IL20RB: variants seen among roughly 807,000 people sequenced by gnomAD.
IL20RB encodes interleukin 20 receptor subunit beta.
A neutral mutation model predicts 33.3 loss-of-function variants in IL20RB; 21 were observed. That is an observed-to-expected ratio of 0.63 (90% CI 0.45 to 0.91). The LOEUF (loss-of-function observed/expected upper bound fraction) is 0.91. Ranked by LOEUF, IL20RB falls within the 40% of genes least tolerant of loss-of-function variation. The pLI, the probability that IL20RB is intolerant of heterozygous loss-of-function variation, is 0.00. For missense variants in IL20RB, 345 were observed against 384.8 expected (o/e 0.90, Z 0.86); for synonymous variants, 147 against 146.8 (o/e 1.00, Z -0.01).
In IL20RB at chr3:136,991,927, G is replaced by A. The variant is rs776951896; in HGVS notation, c.532-11G>A. 2.2e-5 allele frequency: 36 copies of A among 1,612,488 alleles called. No individual in the cohort carries two copies. The highest frequency in any genetic ancestry group is 1.8e-4 in the Admixed American group (11 of 59,944). ...ACTTGGCCAATAACTGTGTTTTCTGGTCTGTCAAAGGAACATGTCAAAATG... is the reference window on the plus strand; with the variant it reads ...ACTTGGCCAATAACTGTGTTTTCTGATCTGTCAAAGGAACATGTCAAAATG... On this transcript the variant is annotated splice_polypyrimidine_tract_variant and intron_variant, in intron 4 of 6. Coordinates refer to ENST00000329582, the MANE Select transcript of IL20RB (RefSeq NM_144717.4).
chr3:136,988,564 G>A (rs1002530263), intron 3 of IL20RB, among the ~76,000 whole-genome samples: 4 of 151,922 alleles, frequency 2.6e-5, no homozygotes, highest in Non-Finnish European at 4.4e-5. Context: ...ATGTGGTGAA[G>A]TCCCATCTCT....
Position 136,989,593 on chromosome 3 carries a change from C to A in IL20RB, c.531+28C>A. 2.5e-6 allele frequency: 4 copies of A among 1,612,132 alleles called. No homozygotes were observed. The South Asian group carries it at 4.4e-5, about 18-fold the overall frequency. ...GAGACTCCAGCCTTGGCCTTTGGGT[C>A]AGGCTTCGGGAAAGAAGGCACAGAT... is the stretch of plus-strand genomic sequence containing the variant. On this transcript the variant is annotated intron_variant, in intron 4 of 6. Transcript: ENST00000329582.
intron 1 of IL20RB, among the ~76,000 whole-genome samples, chr3:136,958,911 TTC>T (rs3077025): frequency 6.7e-4 from 100 of 149,448 alleles, no homozygotes; most frequent in Non-Finnish European, 6.3e-4. Flanking sequence ...CTTGAGTACT[TTC>T]TCTCTCTCTC....
chr3:136,964,143 G>A (rs1316378100), intron 1 of IL20RB, among the ~76,000 whole-genome samples: 3 of 38,078 alleles, frequency 7.9e-5, no homozygotes, highest in South Asian at 1.1e-3. Flanking sequence ...GAATAGTGCC[G>A]CAATAAACAT....
At chr3:136,962,743 T>A (rs2108171695) in intron 1 of IL20RB, among the ~76,000 whole-genome samples, 1 of 138,688 alleles carries the variant, frequency 7.2e-6, no homozygotes, top group African/African-American at 2.7e-5. Flanking sequence ...AGAGCAAGAC[T>A]CCATCTCAAA....
At chr3:137,000,915 T>G (rs1577032572) in intron 6 of IL20RB, among the ~76,000 whole-genome samples, 2 of 152,178 alleles carry the variant, frequency 1.3e-5, no homozygotes, top group African/African-American at 4.8e-5. Context: ...AGAGTTTTTC[T>G]CTCTACCTCA....
Position 137,004,156 on chromosome 3 carries a change from T to C in IL20RB, c.826-5957T>C, listed in dbSNP as rs1323819453. On this transcript the variant is annotated intron_variant, in intron 6 of 6. Coordinates refer to ENST00000329582, the MANE Select transcript of IL20RB (RefSeq NM_144717.4). ...AAGCTTTTTGATGTGCTGCTGGATT[T>C]GGTTTGCCAGTATTTTATTGAGAAT... 6.6e-5 allele frequency among the ~76,000 whole-genome samples: 10 copies of C among 152,180 alleles called. No homozygotes were observed. In the East Asian group the frequency reaches 1.3e-3, roughly 20 times the overall value.
intron 5 of IL20RB, among the ~76,000 whole-genome samples, chr3:136,993,007 C>T (rs1942062387): frequency 6.6e-6 from 1 of 152,130 alleles, no homozygotes; most frequent in Non-Finnish European, 1.5e-5. Flanking sequence ...CTATTTTATG[C>T]TACTTTATAA....
intron 1 of IL20RB, among the ~76,000 whole-genome samples, chr3:136,971,953 A>G (rs1255264482): frequency 1.3e-5 from 2 of 152,196 alleles, no homozygotes; most frequent in Admixed American, 6.5e-5. Context: ...ATTCCCACCA[A>G]CAGTGTGTAA....
intron 1 of IL20RB, among the ~76,000 whole-genome samples, chr3:136,974,245 T>G (rs113329209): frequency 4.6e-4 from 70 of 152,298 alleles, no homozygotes; most frequent in African/African-American, 1.5e-3. Flanking sequence ...GTTTTATACT[T>G]TCATGTGATT....
intron 1 of IL20RB, among the ~76,000 whole-genome samples, chr3:136,971,076 C>G (rs1330785722): frequency 6.6e-6 from 1 of 152,124 alleles, no homozygotes; most frequent in Non-Finnish European, 1.5e-5. Context: ...TTTTTGTTGA[C>G]TATAGATAAC....
intron 5 of IL20RB, among the ~76,000 whole-genome samples, chr3:136,993,292 C>G (rs752620381): frequency 6.6e-6 from 1 of 152,144 alleles, no homozygotes; most frequent in Non-Finnish European, 1.5e-5. Context: ...ATCTTCCAGG[C>G]GTTGTCTGTG....
At chr3:137,005,429 C>G (rs889350998) in intron 6 of IL20RB, among the ~76,000 whole-genome samples, 1 of 152,156 alleles carries the variant, frequency 6.6e-6, no homozygotes, top group Non-Finnish European at 1.5e-5. Context: ...TAAGGACTTG[C>G]TTTATGAATC....
intron 3 of IL20RB, among the ~76,000 whole-genome samples, chr3:136,984,644 G>A (rs1941858192): frequency 6.6e-6 from 1 of 151,702 alleles, no homozygotes. Flanking sequence ...CCAAGCTGAA[G>A]AGCAGAGGAG....
chr3:137,000,351 C>T (rs1429278010), intron 6 of IL20RB, among the ~76,000 whole-genome samples: 1 of 152,190 alleles, frequency 6.6e-6, no homozygotes, highest in African/African-American at 2.4e-5. Context: ...CCTTTTCTGG[C>T]TCTCTCCTTT....
intron 3 of IL20RB, among the ~76,000 whole-genome samples, chr3:136,987,510 G>A (rs1397748245): frequency 6.6e-6 from 1 of 152,238 alleles, no homozygotes; most frequent in Non-Finnish European, 1.5e-5. Flanking sequence ...AGACTCAGGA[G>A]GCCAGCTGGC....
At chr3:137,002,326 T>C (rs1942262150) in intron 6 of IL20RB, among the ~76,000 whole-genome samples, 1 of 152,330 alleles carries the variant, frequency 6.6e-6, no homozygotes, top group South Asian at 2.1e-4. Flanking sequence ...TAACTATATT[T>C]CTAGATCCTT....
chr3:137,000,898 G>A (rs899485835), intron 6 of IL20RB, among the ~76,000 whole-genome samples: 2 of 152,048 alleles, frequency 1.3e-5, no homozygotes, highest in Admixed American at 6.6e-5. Context: ...TCTATCAGGG[G>A]GCCAGAAGAG....
chr3:136,983,571 C>G (rs1225131853), intron 3 of IL20RB, among the ~76,000 whole-genome samples: 2 of 152,066 alleles, frequency 1.3e-5, no homozygotes, highest in Non-Finnish European at 2.9e-5. Context: ...TTAGAAAGGA[C>G]AGAGCTTAGG....
Sources: gnomAD v4.1 joint callset for allele counts (sites outside exome capture counted in the v4.1 genomes callset) on GRCh38, gnomAD v4.1.1 for gene constraint, MANE v1.5 for transcripts, NCBI Gene and HGNC (gene_info 2026-07-23, HGNC 2026-07-21) for gene names.